The following TMOD1 variants were observed in gnomAD, a reference collection of about 807,000 sequenced individuals.
TMOD1 encodes the protein tropomodulin-1.
A neutral mutation model predicts 40.6 loss-of-function variants in TMOD1; 17 were observed. The ratio of observed to expected loss-of-function variants is 0.42; its 90% CI spans 0.29 to 0.63. TMOD1 has a LOEUF of 0.63. Ranked by LOEUF, TMOD1 falls within the 20% of genes least tolerant of loss-of-function variation. The probability of loss-of-function intolerance (pLI) is 0.22; values close to 1 mark genes in which losing one functional copy is unlikely to be tolerated. For missense variants in TMOD1, 391 were observed against 447.6 expected, an observed-to-expected ratio of 0.87 and a Z score of 1.14; for synonymous variants, 181 against 175.0, an observed-to-expected ratio of 1.03 and a Z score of -0.27.
At chr9:97,525,745 C>A (rs1830004762) in intron 2 of TMOD1, among the ~76,000 whole-genome samples, 1 of 152,220 alleles carries the variant, frequency 6.6e-6, no homozygotes. Context: ...GCATCTGTCA[C>A]CCCAGCCAGC....
At chr9:97,532,954 A>G (rs1391722187) in intron 2 of TMOD1, among the ~76,000 whole-genome samples, 2 of 152,246 alleles carry the variant, frequency 1.3e-5, no homozygotes, top group Admixed American at 6.5e-5. Context: ...CAGAGAAAAC[A>G]GGGAGTGGTG....
chr9:97,525,973 A>T (rs1324420538), intron 2 of TMOD1, among the ~76,000 whole-genome samples: 5 of 152,092 alleles, frequency 3.3e-5, no homozygotes, highest in Admixed American at 6.6e-5. Context: ...GAGTGGTGCC[A>T]CTCCTATTTC....
At chr9:97,572,106 G>A (rs1205541596) in intron 8 of TMOD1, among the ~76,000 whole-genome samples, 1 of 152,158 alleles carries the variant, frequency 6.6e-6, no homozygotes, top group African/African-American at 2.4e-5. Flanking sequence ...AGGGAGGGTT[G>A]CTTGGAGGAG....
Position 97,557,566 on chromosome 9 carries a change from A to C in TMOD1, c.397+4166A>C, listed in dbSNP as rs886408663. Among the ~76,000 whole-genome samples the C allele has an allele frequency of 6.6e-6, 1 of 152,126 alleles. No homozygotes were observed. The highest frequency in any genetic ancestry group is 1.5e-5 in the Non-Finnish European group (1 of 68,012). On this transcript the variant is annotated intron_variant, in intron 4 of 9. Coordinates refer to ENST00000259365, the MANE Select transcript of TMOD1 (RefSeq NM_003275.4). The surrounding 1 kb of genome is among the most constrained non-coding windows in gnomAD (Gnocchi z 4.4). ...CGTGTGCTTAGGCACCTGTCCTGCT[A>C]CCCTGCCAGTGGCAGGGTGTATCTT...
Position 97,600,808 on chromosome 9 carries a change from G to A in TMOD1, c.*1110G>A. On this transcript the variant is annotated 3_prime_UTR_variant, in exon 10 of 10. Coordinates refer to ENST00000259365, the MANE Select transcript of TMOD1 (RefSeq NM_003275.4). ...AAATGTAGTATTAGTACTGCTGCCA[G>A]ATCTCTTTTTAACATCATGTGCGTC... 9.3e-7 allele frequency: 1 copy of A among 1,076,770 alleles called. No individual in the cohort carries two copies. Among genetic ancestry groups the A allele is most frequent in the Non-Finnish European group, 1.1e-6 (1 of 882,018 alleles). 66.7% of individuals were successfully genotyped at this position (1,076,770 alleles called of 1,614,324 possible).
chr9:97,503,257 T>A (rs1829534482), intron 1 of TMOD1, among the ~76,000 whole-genome samples: 2 of 152,180 alleles, frequency 1.3e-5, no homozygotes, highest in African/African-American at 4.8e-5. Context: ...TTCCCACTGC[T>A]CAGGCAGGTC....
intron 8 of TMOD1, among the ~76,000 whole-genome samples, chr9:97,575,290 CAGG>C (rs1169299051): frequency 6.6e-6 from 1 of 152,166 alleles, no homozygotes; most frequent in East Asian, 1.9e-4. Flanking sequence ...ACTCCTGATC[CAGG>C]AGACCACAAA....
intron 2 of TMOD1, among the ~76,000 whole-genome samples, chr9:97,543,077 C>T (rs985196519): frequency 9.5e-4 from 144 of 152,234 alleles, no homozygotes; most frequent in African/African-American, 3.4e-3. Context: ...AATCCGTGGC[C>T]TCTACCAGAT....
intron 2 of TMOD1, among the ~76,000 whole-genome samples, chr9:97,531,040 C>CCA (rs1554754345): frequency 3.7e-5 from 5 of 135,394 alleles, no homozygotes; most frequent in Admixed American, 7.3e-5. Flanking sequence ...CACACCCACC[C>CCA]CCCCCACCAC....
chr9:97,575,746 CTCCAGGA>C (rs1394935445), intron 8 of TMOD1, among the ~76,000 whole-genome samples: 1 of 152,202 alleles, frequency 6.6e-6, no homozygotes, highest in East Asian at 1.9e-4. Context: ...GAGCCACCGG[CTCCAGGA>C]TACACCTTGT....
chr9:97,530,514 G>A (rs1830080645), intron 2 of TMOD1, among the ~76,000 whole-genome samples: 1 of 149,270 alleles, frequency 6.7e-6, no homozygotes, highest in Admixed American at 6.7e-5. Context: ...TTGAGACAGA[G>A]TCTCGCTCTG....
intron 2 of TMOD1, among the ~76,000 whole-genome samples, chr9:97,529,479 C>T (rs989792737): frequency 2.0e-5 from 3 of 150,576 alleles, no homozygotes; most frequent in South Asian, 2.1e-4. Flanking sequence ...GAATGGAGTA[C>T]GAGGACTTGG....
intron 1 of TMOD1, among the ~76,000 whole-genome samples, chr9:97,510,519 C>G (rs1829679214): frequency 6.6e-6 from 1 of 152,220 alleles, no homozygotes; most frequent in South Asian, 2.1e-4. Flanking sequence ...GCCTGAGCCA[C>G]CACACCCGGT....
Position 97,502,974 on chromosome 9 carries a change from ACCCTGTCTCCAG to A in TMOD1, c.-49+1176_-49+1187del, listed in dbSNP as rs1358949983. Among the ~76,000 whole-genome samples the A allele has an allele frequency of 6.6e-6, 1 of 150,972 alleles. No individual in the cohort carries two copies. The highest frequency in any genetic ancestry group is 1.5e-5 in the Non-Finnish European group (1 of 67,660). On this transcript the variant is annotated intron_variant, in intron 1 of 9. Transcript: ENST00000259365. The surrounding 1 kb of genome is among the most constrained non-coding windows in gnomAD (Gnocchi z 6.1). Reference sequence around the variant, plus strand: ...CCTTCACCCACCGCTACTATTACAGACCCTGTCTCCAGCCCTCGCCCTATGCCCTCAGACTCT... The same window carrying A: ...CCTTCACCCACCGCTACTATTACAGACCCTCGCCCTATGCCCTCAGACTCT...
At chr9:97,576,799 A>C (rs944605755) in intron 8 of TMOD1, among the ~76,000 whole-genome samples, 2 of 151,634 alleles carry the variant, frequency 1.3e-5, no homozygotes, top group African/African-American at 4.8e-5. Context: ...ACGTCCAGCT[A>C]ATTTTTTTTT....
In TMOD1 at chr9:97,539,943, G is replaced by A. The variant is rs1830249285; in HGVS notation, c.121-6242G>A. 2.3e-5 allele frequency among the ~76,000 whole-genome samples: 3 copies of A among 128,942 alleles called. No homozygotes were observed. The South Asian group carries it at 7.3e-4, about 31-fold the overall frequency. 84.6% of individuals were successfully genotyped at this position (128,942 alleles called of 152,430 possible). ...ACCGAGATCATGCCACTGCACTCCA[G>A]CCTGGGCAACAGAGTGAGACTCTGT... On this transcript the variant is annotated intron_variant, in intron 2 of 9. Transcript: ENST00000259365.
rs370299212 is a variant in TMOD1 at position 97,565,856 on chromosome 9, C to T, written c.627C>T (p.Pro209=). Residue 209 remains proline, a synonymous_variant, in exon 7 of 10, where the codon CCC becomes CCT. Transcript: ENST00000259365. ...EVNLNNIRNI[P]IPTLKAYAEA... ...TGCCTTTCTTTGTGCAGAATATCCCCATCCCCACCCTCAAGGCATATGCAG... is the reference window on the plus strand; with the variant it reads ...TGCCTTTCTTTGTGCAGAATATCCCTATCCCCACCCTCAAGGCATATGCAG... The T allele has an allele frequency of 1.2e-6, 2 of 1,613,884 alleles. No homozygotes were observed. Among genetic ancestry groups the T allele is most frequent in the Admixed American group, 3.3e-5 (2 of 60,022 alleles).
At chr9:97,523,699 T>TGTATGCAGTAG (rs1430910915) in intron 1 of TMOD1, among the ~76,000 whole-genome samples, 2 of 152,198 alleles carry the variant, frequency 1.3e-5, no homozygotes, top group Non-Finnish European at 2.9e-5. Flanking sequence ...GTGAGGGGCC[T>TGTATGCAGTAG]GTATGCAGTA....
At chr9:97,594,780 T>A (rs1482222790) in intron 9 of TMOD1, among the ~76,000 whole-genome samples, 1 of 152,190 alleles carries the variant, frequency 6.6e-6, no homozygotes, top group African/African-American at 2.4e-5. Flanking sequence ...GTGGATCCCA[T>A]CTGCGTTTTC....
Sources: gnomAD v4.1 joint callset for allele counts (sites outside exome capture counted in the v4.1 genomes callset) on GRCh38, gnomAD v4.1.1 for gene constraint, Gnocchi (gnomAD v3.1) non-coding constraint, MANE v1.5 for transcripts, NCBI Gene and HGNC (gene_info 2026-07-23, HGNC 2026-07-21) for gene names.